RO60: variants seen among roughly 807,000 people sequenced by gnomAD.
RO60 encodes RNA-binding protein RO60.
Under a neutral mutation model 55.3 loss-of-function variants are expected in RO60, and 20 were observed. That is an observed-to-expected ratio of 0.36 (90% confidence interval 0.25 to 0.53). The LOEUF (loss-of-function observed/expected upper bound fraction) is 0.53, where lower values mean the gene tolerates loss of function less well. Ranked by LOEUF, RO60 falls within the 20% of genes least tolerant of loss-of-function variation. RO60 has a pLI of 0.92. For missense variants in RO60, 558 were observed against 646.6 expected, an observed-to-expected ratio of 0.86 and a Z score of 1.49; for synonymous variants, 213 against 213.6, an observed-to-expected ratio of 1.00 and a Z score of 0.02.
Position 193,069,460 on chromosome 1 carries a change from A to C in RO60, c.406A>C (p.Lys136Gln), listed in dbSNP as rs761405121. Residue 136 changes from lysine to glutamine, a missense_variant, in exon 2 of 9, where the codon AAG (lysine) becomes CAG (glutamine). By Grantham distance (53) the Lys-to-Gln change is moderately conservative. Coordinates refer to ENST00000400968, the MANE Select transcript of RO60 (RefSeq NM_001173524.2). ...FTFIQFKKDL[K>Q]ESMKCGMWGR... ...TTTTATCCAGTTTAAGAAAGATCTG[A>C]AGGAAAGCATGAAATGTGGCATGTG... 1 of 1,614,218 alleles carries C rather than the reference A, an allele frequency of 6.2e-7. No homozygotes were observed. The highest frequency in any genetic ancestry group is 8.5e-7 in the Non-Finnish European group (1 of 1,180,028).
chr1:193,060,823 T>G lies in RO60; in HGVS notation c.-22+1047T>G, dbSNP rs148159376. On this transcript the variant is annotated intron_variant, in intron 1 of 8. Transcript: ENST00000400968. ...GGAGGATTCTGTACAGTATATTTCCTTGAGATACTTTATTGGAAAAGTTTA... is the reference window on the plus strand; with the variant it reads ...GGAGGATTCTGTACAGTATATTTCCGTGAGATACTTTATTGGAAAAGTTTA... Among the ~76,000 whole-genome samples the G allele has an allele frequency of 3.3e-3, 505 of 152,342 alleles. 4 individuals are homozygous for G. Among genetic ancestry groups the G allele is most frequent in the African/African-American group, 0.011 (470 of 41,568 alleles).
chr1:193,091,610 A>C, downstream of RO60: 1 of 1,533,676 alleles, frequency 6.5e-7, no homozygotes, highest in East Asian at 2.3e-5. Flanking sequence ...ATGATAAAAC[A>C]GTTTTCACTG....
chr1:193,074,685 C>T (rs1223683804), intron 2 of RO60, among the ~76,000 whole-genome samples: 2 of 152,142 alleles, frequency 1.3e-5, no homozygotes, highest in Non-Finnish European at 2.9e-5. Flanking sequence ...CTGTAGGTTG[C>T]CTGTTCACTC....
At chr1:193,079,650 C>T (rs1674162223) in intron 5 of RO60, among the ~76,000 whole-genome samples, 1 of 151,752 alleles carries the variant, frequency 6.6e-6, no homozygotes, top group Non-Finnish European at 1.5e-5. Flanking sequence ...TTAAAGGATA[C>T]TATCAAGACA....
At chr1:193,068,018 A>G (rs558430036) in intron 1 of RO60, among the ~76,000 whole-genome samples, 1 of 152,204 alleles carries the variant, frequency 6.6e-6, no homozygotes, top group Non-Finnish European at 1.5e-5. Context: ...CACTCCAGGC[A>G]TCACTTGCAA....
rs1001605408 is a variant in RO60, at chr1:193,091,037, T to A, written c.*6306T>A. On this transcript the variant is annotated 3_prime_UTR_variant, in exon 9 of 9. Coordinates refer to ENST00000400968, the MANE Select transcript of RO60 (RefSeq NM_001173524.2). ...GTAATATTTTATGATAGTTTAAGGT[T>A]TTTTATTGTTTTCTATAACAAGTTA... 1 of 152,372 alleles carries A rather than the reference T, an allele frequency of 6.6e-6. No individual in the cohort carries two copies. Among genetic ancestry groups the A allele is most frequent in the Non-Finnish European group, 1.5e-5 (1 of 68,040 alleles). The allele number at this position is 152,372 out of a possible 1,614,324, so 9.4% of individuals were successfully genotyped here.
At chr1:193,068,463 G>C (rs1673262144) in intron 1 of RO60, among the ~76,000 whole-genome samples, 2 of 152,248 alleles carry the variant, frequency 1.3e-5, no homozygotes, top group Admixed American at 1.3e-4. Flanking sequence ...ATGAGGCCAA[G>C]AAGAGGAGAA....
chr1:193,061,013 A>G (rs1480451962), intron 1 of RO60, among the ~76,000 whole-genome samples: 1 of 152,224 alleles, frequency 6.6e-6, no homozygotes, highest in Non-Finnish European at 1.5e-5. Flanking sequence ...CCTATTGTAG[A>G]AAGACCAAAC....
In RO60 at chr1:193,082,595, A is replaced by G. The variant is rs200683148; in HGVS notation, c.1351A>G (p.Met451Val). The G allele has an allele frequency of 3.5e-5, 56 of 1,613,902 alleles. No homozygotes were observed. Among genetic ancestry groups the G allele is most frequent in the Middle Eastern group, 1.7e-4 (1 of 6,058 alleles). The part of the protein sequence containing the change: ...PAGGTDCSLP[M>V]IWAQKTNTPA... The stretch of plus-strand genomic sequence containing the variant: ...AGGTGGAACTGATTGCTCTCTTCCA[A>G]TGATCTGGGCTCAGAAGACAAACAC... Residue 451 changes from methionine (M) to valine (V), a missense_variant, in exon 8 of 9, where the codon ATG becomes GTG. Met to Val is a conservative substitution (Grantham distance 21). Coordinates refer to ENST00000400968, the MANE Select transcript of RO60 (RefSeq NM_001173524.2).
At position 193,069,422 on chromosome 1, in the gene RO60, C is replaced by T; in HGVS notation, c.368C>T (p.Thr123Ile). 6.2e-7 allele frequency: 1 copy of T among 1,614,188 alleles called. No homozygotes were observed. Among genetic ancestry groups the T allele is most frequent in the South Asian group, 1.1e-5 (1 of 91,080 alleles). The change falls in exon 2 of 9, where the codon ACC becomes ATC. Residue 123 changes from threonine to isoleucine, a missense_variant. By Grantham distance (89) the Thr-to-Ile change is moderately conservative (BLOSUM62 -1). Transcript: ENST00000400968. Reference protein sequence around the residue: ...KAVSEVCRIPTHLFTFIQFKK... With the variant: ...KAVSEVCRIPIHLFTFIQFKK... Reference sequence around the variant, plus strand: ...GTTTCTGAAGTTTGTCGCATTCCTACCCATCTCTTTACTTTTATCCAGTTT... The same window carrying T: ...GTTTCTGAAGTTTGTCGCATTCCTATCCATCTCTTTACTTTTATCCAGTTT...
chr1:193,066,727 G>A (rs7553830), intron 1 of RO60, among the ~76,000 whole-genome samples: 3,309 of 152,170 alleles, frequency 0.022, 117 homozygotes, highest in African/African-American at 0.076. Context: ...GTTCAAGTAA[G>A]CATGATCTTC....
chr1:193,076,612 T>A lies in RO60; in HGVS notation c.913T>A (p.Cys305Ser). ...AGGAAATTCAGAAGTATCTTTAGTATGTGAAAAACTGTGTAATGAAAAACT... is the reference window on the plus strand; with the variant it reads ...AGGAAATTCAGAAGTATCTTTAGTAAGTGAAAAACTGTGTAATGAAAAACT... The part of the protein sequence containing the change: ...EPGNSEVSLV[C>S]EKLCNEKLLK... The change falls in exon 4 of 9, where the codon TGT becomes AGT. Residue 305 changes from cysteine to serine, a missense_variant. Cys to Ser is a moderately radical substitution (Grantham distance 112). Coordinates refer to ENST00000400968, the MANE Select transcript of RO60 (RefSeq NM_001173524.2). The A allele has an allele frequency of 6.2e-7, 1 of 1,607,408 alleles. No individual in the cohort carries two copies. The highest frequency in any genetic ancestry group is 8.5e-7 in the Non-Finnish European group (1 of 1,177,464).
Position 193,090,443 on chromosome 1 carries a change from T to A in RO60, c.*5712T>A, listed in dbSNP as rs994646937. 2 of 151,530 alleles carry A rather than the reference T, an allele frequency of 1.3e-5. No individual in the cohort carries two copies. Among genetic ancestry groups the A allele is most frequent in the Admixed American group, 6.6e-5 (1 of 15,134 alleles). The allele number at this position is 151,530 out of a possible 1,614,324, so 9.4% of individuals were successfully genotyped here. A position where few individuals can be genotyped will look rare whatever the true frequency, so the allele number is the denominator to read the frequency against. On this transcript the variant is annotated 3_prime_UTR_variant, in exon 9 of 9. Transcript: ENST00000400968. Reference sequence around the variant, plus strand: ...TTGCACTGTTACTCTGAATATGGACTCTCTATATCTGGTATGGCGTGACTG... The same window carrying A: ...TTGCACTGTTACTCTGAATATGGACACTCTATATCTGGTATGGCGTGACTG...
rs376441547 is a variant in RO60 at position 193,076,481 on chromosome 1, T to C, written c.802-20T>C. On this transcript the variant is annotated intron_variant, in intron 3 of 8. Transcript: ENST00000400968. ...ATTTTCCCTTAATTCCTGGTATTTC[T>C]GCCTATGTTATTGCAATAGGTATGG... is the stretch of plus-strand genomic sequence containing the variant. 1.9e-6 allele frequency: 3 copies of C among 1,604,756 alleles called. No individual in the cohort carries two copies. The highest frequency in any genetic ancestry group is 1.3e-5 in the African/African-American group (1 of 74,490).
chr1:193,074,072 C>A (rs529044451), intron 2 of RO60, among the ~76,000 whole-genome samples: 15 of 151,988 alleles, frequency 9.9e-5, no homozygotes, highest in Non-Finnish European at 5.9e-5. Flanking sequence ...TGAACTCATC[C>A]TTTTTATGGC....
chr1:193,077,187 G>A, intron 5 of RO60, 137 bp downstream of exon 5: 1 of 832,540 alleles, frequency 1.2e-6, no homozygotes. Context: ...GTTCATATGT[G>A]GTGAGTATAT....
At chr1:193,075,220 C>CA (rs1673824370) in intron 2 of RO60, among the ~76,000 whole-genome samples, 1 of 151,560 alleles carries the variant, frequency 6.6e-6, no homozygotes, top group African/African-American at 2.4e-5. Context: ...TTCTCACCCC[C>CA]AATCCAAGGC....
chr1:193,082,360 T>C (rs1310672231), intron 7 of RO60, 61 bp downstream of exon 7: 2 of 1,392,778 alleles, frequency 1.4e-6, no homozygotes, highest in African/African-American at 1.5e-5. Context: ...AGAATGATTT[T>C]ATATTGATGT....
chr1:193,080,872 T>TG (rs879840748), intron 5 of RO60, among the ~76,000 whole-genome samples: 4 of 152,038 alleles, frequency 2.6e-5, no homozygotes, highest in Admixed American at 2.6e-4. Context: ...GACATGGCAA[T>TG]GGGGAGTTAC....
Sources: gnomAD v4.1 joint callset for allele counts (sites outside exome capture counted in the v4.1 genomes callset) on GRCh38, gnomAD v4.1.1 for gene constraint, MANE v1.5 for transcripts, NCBI Gene and HGNC (gene_info 2026-07-23, HGNC 2026-07-21) for gene names.